CCN5: variants seen among roughly 807,000 people sequenced by gnomAD.
CCN5 encodes the protein CCN family member 5.
In CCN5, 17 loss-of-function variants were observed where a neutral mutation model predicts 18.7. That is an observed-to-expected ratio of 0.91 (90% CI 0.62 to 1.36). The LOEUF (loss-of-function observed/expected upper bound fraction) is 1.36, where lower values mean the gene tolerates loss of function less well. Among genes scored for constraint, CCN5 ranks in the 40% most tolerant of loss-of-function variants. The pLI, the probability that CCN5 is intolerant of heterozygous loss-of-function variation, is 0.00. For synonymous variants in CCN5, 135 were observed against 145.2 expected (o/e 0.93, Z 0.50); for missense variants, 367 against 342.9 (o/e 1.07, Z -0.56).
chr20:44,724,522 T>C (rs2065921357), intron 2 of CCN5: 3 of 664,032 alleles, frequency 4.5e-6, no homozygotes, highest in Non-Finnish European at 7.3e-6. Flanking sequence ...GGGGGGTCAA[T>C]CCAGGCCTGT....
chr20:44,719,381 G>A (rs907136840), intron 1 of CCN5, among the ~76,000 whole-genome samples: 31 of 152,226 alleles, frequency 2.0e-4, no homozygotes, highest in Admixed American at 2.0e-3. Flanking sequence ...CTAGCCAGGT[G>A]CAGTGGCTCA....
intron 1 of CCN5, among the ~76,000 whole-genome samples, chr20:44,718,204 T>C (rs2065873545): frequency 6.6e-6 from 1 of 152,164 alleles, no homozygotes. Flanking sequence ...CACCAGAGGC[T>C]GGTCAGCCAG....
At chr20:44,716,331 A>G (rs2065859689) in intron 1 of CCN5, among the ~76,000 whole-genome samples, 1 of 152,174 alleles carries the variant, frequency 6.6e-6, no homozygotes. Flanking sequence ...GAGCCATGGA[A>G]TCGGCCCCAC....
chr20:44,719,943 C>T lies in CCN5; in HGVS notation c.107C>T (p.Pro36Leu). 6.2e-7 allele frequency: 1 copy of T among 1,613,962 alleles called. No homozygotes were observed. Among genetic ancestry groups the T allele is most frequent in the Non-Finnish European group, 8.5e-7 (1 of 1,179,960 alleles). ...ACACCATGTACCTGCCCCTGGCCAC[C>T]TCCCCGATGCCCGCTGGGAGTACCC... ...CPTPCTCPWP[P>L]PRCPLGVPLV... The change falls in exon 2 of 4, where the codon CCT becomes CTT. Residue 36 changes from proline (P) to leucine (L), a missense_variant. Transcript: ENST00000190983.
chr20:44,724,349 G>A (rs982073377), intron 2 of CCN5: 2 of 228,536 alleles, frequency 8.8e-6, no homozygotes, highest in Non-Finnish European at 1.7e-5. Context: ...AGGACCTATG[G>A]AAGGTCTCTT....
At chr20:44,726,460 G>C (rs1386432649) in intron 3 of CCN5, among the ~76,000 whole-genome samples, 1 of 152,088 alleles carries the variant, frequency 6.6e-6, no homozygotes, top group Non-Finnish European at 1.5e-5. Context: ...GGGTTTTCCT[G>C]TGCACTGCAG....
At chr20:44,717,357 C>T (rs1046239247) in intron 1 of CCN5, among the ~76,000 whole-genome samples, 14 of 152,162 alleles carry the variant, frequency 9.2e-5, no homozygotes, top group Admixed American at 3.9e-4. Flanking sequence ...CTACAGAGTC[C>T]TGCCCCCTGA....
chr20:44,724,023 T>C (rs2065918300), intron 2 of CCN5: 1 of 152,226 alleles, frequency 6.6e-6, no homozygotes, highest in South Asian at 2.1e-4. Context: ...ATAACACCCA[T>C]ATCTTGAGGG....
Position 44,727,120 on chromosome 20 carries a change from C to T in CCN5, c.566C>T (p.Pro189Leu). 1 of 1,605,548 alleles carries T rather than the reference C, an allele frequency of 6.2e-7. No homozygotes were observed. The highest frequency in any genetic ancestry group is 8.5e-7 in the Non-Finnish European group (1 of 1,175,084). Residue 189 changes from proline to leucine, a missense_variant, in exon 4 of 4, where the codon CCC becomes CTC. By Grantham distance (98) the Pro-to-Leu change is moderately conservative. Transcript: ENST00000190983. ...PQFSGLVSSL[P>L]PGVPCPEWST... ...TTTTCTGGCCTTGTCTCTTCCCTGC[C>T]CCCTGGTGTCCCCTGCCCAGAATGG...
At chr20:44,724,516 G>T in intron 2 of CCN5, 1 of 608,786 alleles carries the variant, frequency 1.6e-6, no homozygotes, top group East Asian at 3.3e-5. Flanking sequence ...GAGTTTGGGG[G>T]GTCAATCCAG....
rs1439998056 is a variant in CCN5 at position 44,727,755 on chromosome 20, T to C, written c.*448T>C. The C allele has an allele frequency of 3.6e-6, 1 of 277,854 alleles. No individual in the cohort carries two copies. Among genetic ancestry groups the C allele is most frequent in the East Asian group, 6.1e-5 (1 of 16,372 alleles). The allele number at this position is 277,854 out of a possible 1,614,324, so 17.2% of individuals were successfully genotyped here. A position where few individuals can be genotyped will look rare whatever the true frequency, so the allele number is the denominator to read the frequency against. ...AGAAGGCACACAGAGATTCTGGATC[T>C]CCTGCTGCCTTTTCTGGAGTTTGTA... On this transcript the variant is annotated 3_prime_UTR_variant, in exon 4 of 4. Transcript: ENST00000190983.
chr20:44,717,887 A>T (rs963139375), intron 1 of CCN5, among the ~76,000 whole-genome samples: 4 of 146,188 alleles, frequency 2.7e-5, no homozygotes, highest in Non-Finnish European at 6.0e-5. Context: ...TCAAAAAAGA[A>T]AAAAAAAAAA....
At chr20:44,715,252 TGTGTGTGTGA>T (rs746246330), upstream of CCN5, 100 of 518,438 alleles carry the variant, frequency 1.9e-4, 2 homozygotes, top group East Asian at 1.7e-3. Context: ...TGTGTGTGTG[TGTGTGTGTGA>T]GCGCGCGCGC....
intron 2 of CCN5, chr20:44,720,683 T>G (rs1326376486): frequency 6.4e-6 from 1 of 155,628 alleles, no homozygotes; most frequent in African/African-American, 2.4e-5. Flanking sequence ...GAACAGTTTA[T>G]TCTGTCTTCT....
chr20:44,718,348 C>T (rs2065874653), intron 1 of CCN5, among the ~76,000 whole-genome samples: 1 of 152,124 alleles, frequency 6.6e-6, no homozygotes, highest in South Asian at 2.1e-4. Context: ...TGCTTTGGGG[C>T]TGCACAGGAG....
At chr20:44,716,873 T>A (rs1264294142) in intron 1 of CCN5, 1 of 152,208 alleles carries the variant, frequency 6.6e-6, no homozygotes, top group Non-Finnish European at 1.5e-5. Flanking sequence ...AAACAGGTTG[T>A]CTCTACTCCA....
chr20:44,723,863 A>C (rs558713871), intron 2 of CCN5: 5 of 152,368 alleles, frequency 3.3e-5, no homozygotes, highest in African/African-American at 1.2e-4. Context: ...AGGGTCTCTC[A>C]TGTGCCAAGG....
Position 44,720,094 on chromosome 20 carries a change from C to A in CCN5, c.258C>A (p.Gly86=), listed in dbSNP as rs2296530. ...GCCAGCCCGGGGCAGGACCCGGTGG[C>A]CGGGGGGCCCTGTGCCTCTGTAAGC... The part of the protein sequence containing the change: ...LVCQPGAGPG[G]RGALCLLAED... The change falls in exon 2 of 4, where the codon GGC becomes GGA. Residue 86 remains glycine, a synonymous_variant. Coordinates refer to ENST00000190983, the MANE Select transcript of CCN5 (RefSeq NM_003881.4). 532,190 of 1,555,014 alleles carry A rather than the reference C, an allele frequency of 0.34. 92,842 individuals are homozygous for A. Among genetic ancestry groups the A allele is most frequent in the African/African-American group, 0.45 (33,443 of 73,990 alleles).
chr20:44,720,108 G>A lies in CCN5; in HGVS notation c.272G>A (p.Cys91Tyr), dbSNP rs1334785155. 6.5e-7 allele frequency: 1 copy of A among 1,546,240 alleles called. No individual in the cohort carries two copies. ...GAGPGGRGAL[C>Y]LLAEDDSSCE... ...GGACCCGGTGGCCGGGGGGCCCTGT[G>A]CCTCTGTAAGCAGGTTTGCAGGACT... Residue 91 changes from cysteine (C) to tyrosine (Y), a missense_variant, in exon 2 of 4, where the codon TGC (cysteine) becomes TAC (tyrosine). By Grantham distance (194) the Cys-to-Tyr change is radical. Transcript: ENST00000190983.
Sources: allele counts gnomAD v4.1 joint callset (sites outside exome capture counted in the v4.1 genomes callset), GRCh38; gene constraint gnomAD v4.1.1; transcripts MANE v1.5; gene names NCBI Gene and HGNC (gene_info 2026-07-23, HGNC 2026-07-21).